LRP1B: variants seen among roughly 807,000 people sequenced by gnomAD.
The protein encoded by LRP1B is LDL receptor related protein 1B.
Under a neutral mutation model 556.6 loss-of-function variants are expected in LRP1B, and 217 were observed. The ratio of observed to expected loss-of-function variants is 0.39; its 90% confidence interval spans 0.35 to 0.44. LRP1B has a LOEUF of 0.44. Ranked by LOEUF, LRP1B falls within the 20% of genes least tolerant of loss-of-function variation. The pLI is 1.00. For missense variants in LRP1B, 5,053 were observed against 5,620.8 expected (o/e 0.90, Z 3.23); for synonymous variants, 2,047 against 1,865.8 (o/e 1.10, Z -2.50).
chr2:141,541,746 A>T (rs537433202), intron 2 of LRP1B, among the ~76,000 whole-genome samples: 273 of 152,178 alleles, frequency 1.8e-3, no homozygotes, highest in African/African-American at 5.9e-3. Flanking sequence ...CAATATTTTT[A>T]AAAAATGTAA....
At chr2:140,602,910 C>A (rs35737844) in intron 41 of LRP1B, among the ~76,000 whole-genome samples, 62,010 of 151,568 alleles carry the variant, frequency 0.41, 12,934 homozygotes, top group Middle Eastern at 0.49. Context: ...TTCCATTTCC[C>A]AAGAAGAAAG....
At chr2:140,394,175 A>C (rs1406711137) in intron 66 of LRP1B, among the ~76,000 whole-genome samples, 1 of 145,090 alleles carries the variant, frequency 6.9e-6, no homozygotes, top group East Asian at 2.0e-4. Context: ...AATATATAAC[A>C]TTCTTATTGT....
chr2:142,031,258 A>C (rs975976378), intron 1 of LRP1B, among the ~76,000 whole-genome samples: 3 of 150,688 alleles, frequency 2.0e-5, no homozygotes, highest in Non-Finnish European at 4.4e-5. Context: ...AATAGTTTGG[A>C]TTCTCATGTT....
At chr2:140,255,518 T>C (rs1186226810) in intron 86 of LRP1B, among the ~76,000 whole-genome samples, 3 of 152,204 alleles carry the variant, frequency 2.0e-5, no homozygotes, top group Admixed American at 1.3e-4. Context: ...CCTTTGCCTA[T>C]GACTATGCTA....
chr2:141,886,515 T>C (rs757187265), intron 1 of LRP1B, among the ~76,000 whole-genome samples: 3 of 152,182 alleles, frequency 2.0e-5, no homozygotes, highest in Non-Finnish European at 4.4e-5. Flanking sequence ...CTTTATTCCA[T>C]GGACCTTGAA....
chr2:142,125,819 T>C (rs933544009), intron 1 of LRP1B, among the ~76,000 whole-genome samples: 14 of 151,852 alleles, frequency 9.2e-5, no homozygotes, highest in Non-Finnish European at 5.9e-5. Flanking sequence ...TAGCTAATTT[T>C]CCCTACTCTC....
intron 15 of LRP1B, among the ~76,000 whole-genome samples, chr2:140,995,253 G>A (rs1166835467): frequency 6.6e-6 from 1 of 151,968 alleles, no homozygotes; most frequent in Non-Finnish European, 1.5e-5. Flanking sequence ...CAACATTTCT[G>A]CTTTTTAGAA....
chr2:141,226,894 ACT>A (rs1683271021), intron 6 of LRP1B, among the ~76,000 whole-genome samples: 2 of 152,114 alleles, frequency 1.3e-5, no homozygotes, highest in Non-Finnish European at 2.9e-5. Flanking sequence ...ATATTTAATC[ACT>A]TTTTTCTAAA....
chr2:140,588,155 T>A (rs928020135), intron 43 of LRP1B, among the ~76,000 whole-genome samples: 2 of 152,080 alleles, frequency 1.3e-5, no homozygotes. Flanking sequence ...GAAAGAACAC[T>A]GTGAGCAAAA....
intron 41 of LRP1B, among the ~76,000 whole-genome samples, chr2:140,626,502 A>G (rs780122514): frequency 1.4e-4 from 21 of 152,224 alleles, no homozygotes; most frequent in Middle Eastern, 3.4e-3. Context: ...TATTTACTCA[A>G]TTTTGCTGTG....
At chr2:140,537,289 T>A (rs1679951559) in intron 45 of LRP1B, among the ~76,000 whole-genome samples, 1 of 150,286 alleles carries the variant, frequency 6.7e-6, no homozygotes, top group Non-Finnish European at 1.5e-5. Flanking sequence ...ATACTGAAAG[T>A]GTTTTTGTGT....
At chr2:140,413,480 T>C (rs1192673977) in intron 66 of LRP1B, among the ~76,000 whole-genome samples, 1 of 152,222 alleles carries the variant, frequency 6.6e-6, no homozygotes, top group East Asian at 1.9e-4. Flanking sequence ...AAAGCATTAG[T>C]TGAACAATTT....
intron 43 of LRP1B, among the ~76,000 whole-genome samples, chr2:140,546,462 G>A (rs1272338182): frequency 4.6e-5 from 7 of 152,118 alleles, no homozygotes; most frequent in Non-Finnish European, 8.8e-5. Flanking sequence ...GAGGCCTCAG[G>A]AAACTTACAA....
intron 2 of LRP1B, among the ~76,000 whole-genome samples, chr2:141,581,437 G>C (rs1686955875): frequency 6.6e-6 from 1 of 152,034 alleles, no homozygotes; most frequent in African/African-American, 2.4e-5. Context: ...CACCTATCTA[G>C]GTAGGTGGGA....
intron 3 of LRP1B, among the ~76,000 whole-genome samples, chr2:141,465,256 A>C (rs1682138149): frequency 6.6e-6 from 1 of 152,164 alleles, no homozygotes; most frequent in Non-Finnish European, 1.5e-5. Context: ...TGAAGGCATA[A>C]AACTGAGAAA....
chr2:140,349,731 G>A (rs973073502), intron 77 of LRP1B, among the ~76,000 whole-genome samples: 11 of 152,130 alleles, frequency 7.2e-5, no homozygotes, highest in Non-Finnish European at 1.5e-4. Context: ...TTTTCAACAA[G>A]CAGATTTCTG....
chr2:142,001,940 T>C (rs931235589), intron 1 of LRP1B, among the ~76,000 whole-genome samples: 2 of 152,170 alleles, frequency 1.3e-5, no homozygotes, highest in Admixed American at 1.3e-4. Context: ...TTTAATGGGA[T>C]TTGCACCATG....
intron 3 of LRP1B, among the ~76,000 whole-genome samples, chr2:141,370,708 G>A (rs2105590113): frequency 6.6e-6 from 1 of 152,106 alleles, no homozygotes; most frequent in African/African-American, 2.4e-5. Context: ...TCTTATTCGT[G>A]AATTCTTTGC....
Position 140,456,613 on chromosome 2 carries a change from A to T in LRP1B, c.9815-10T>A. ...CAGAGATGTTTGGAGACTAAAGATA[A>T]GAAAGAAACAACAACAACAAAACAG... On this transcript the variant is annotated splice_polypyrimidine_tract_variant and intron_variant, in intron 61 of 90. Coordinates refer to ENST00000389484, the MANE Select transcript of LRP1B (RefSeq NM_018557.3). 1 of 1,603,768 alleles carries T rather than the reference A, an allele frequency of 6.2e-7. No homozygotes were observed. Among genetic ancestry groups the T allele is most frequent in the Non-Finnish European group, 8.5e-7 (1 of 1,174,806 alleles).
Sources: allele counts gnomAD v4.1 joint callset (sites outside exome capture counted in the v4.1 genomes callset), GRCh38; gene constraint gnomAD v4.1.1; transcripts MANE v1.5; gene names NCBI Gene and HGNC (gene_info 2026-07-23, HGNC 2026-07-21).